The following ZNF695 variants were observed in gnomAD, a reference collection of about 807,000 sequenced individuals.
The protein encoded by ZNF695 is zinc finger protein 695.
A neutral mutation model predicts 11.2 loss-of-function variants in ZNF695; 11 were observed. The observed-to-expected ratio is 0.98, with a 90% CI of 0.62 to 1.62. The LOEUF is 1.62. Ranked by LOEUF, ZNF695 falls within the 40% of genes most tolerant of loss-of-function variation. The pLI, the probability that ZNF695 is intolerant of heterozygous loss-of-function variation, is 0.00. For missense variants in ZNF695, 559 were observed against 590.5 expected (o/e 0.95, Z 0.55); for synonymous variants, 190 against 201.4 (o/e 0.94, Z 0.48).
chr1:246,961,947 T>C lies in ZNF695; in HGVS notation c.488+5748A>G, dbSNP rs905239105. Among the ~76,000 whole-genome samples, 17 of 152,352 alleles carry C rather than the reference T, an allele frequency of 1.1e-4. No homozygotes were observed. The South Asian group carries it at 1.2e-3, about 11-fold the overall frequency. Reference sequence around the variant, plus strand: ...ATAGAGAGGCACCTCAATGGCACTGTGCTTTGCAGACATATGAGTTGTCAT... The same window carrying C: ...ATAGAGAGGCACCTCAATGGCACTGCGCTTTGCAGACATATGAGTTGTCAT... On this transcript the variant is annotated intron_variant, in intron 5 of 5. Transcript: ENST00000487338.
chr1:246,956,939 T>TAA (rs1668016848), intron 5 of ZNF695, among the ~76,000 whole-genome samples: 5 of 152,164 alleles, frequency 3.3e-5, no homozygotes, highest in Non-Finnish European at 7.3e-5. Context: ...TTACAGGTGG[T>TAA]ATCATGATAT....
At chr1:246,961,854 G>A (rs1668171293) in intron 5 of ZNF695, among the ~76,000 whole-genome samples, 1 of 152,146 alleles carries the variant, frequency 6.6e-6, no homozygotes, top group South Asian at 2.1e-4. Context: ...AGGCTGCTTA[G>A]CAAAGGGCCC....
intron 5 of ZNF695, among the ~76,000 whole-genome samples, chr1:246,951,096 A>G (rs1168049705): frequency 1.3e-5 from 2 of 151,980 alleles, no homozygotes; most frequent in Non-Finnish European, 2.9e-5. Context: ...GTGTTGTCAT[A>G]TAGTTGGTCT....
chr1:246,964,490 T>G (rs1668238822), intron 5 of ZNF695, among the ~76,000 whole-genome samples: 1 of 152,184 alleles, frequency 6.6e-6, no homozygotes, highest in South Asian at 2.1e-4. Flanking sequence ...CTCAGGAAAT[T>G]AAAGGGTTTT....
downstream of ZNF695, among the ~76,000 whole-genome samples, chr1:246,982,033 G>A (rs956281580): frequency 5.9e-5 from 9 of 152,162 alleles, no homozygotes; most frequent in African/African-American, 2.2e-4. Flanking sequence ...CACTTTGAGA[G>A]GACGAGGTGG....
In ZNF695 at chr1:246,999,435, C is replaced by A. The variant is rs536708166; in HGVS notation, c.172G>T (p.Ala58Ser). 1 of 1,613,512 alleles carries A rather than the reference C, an allele frequency of 6.2e-7. No homozygotes were observed. The highest frequency in any genetic ancestry group is 1.7e-5 in the Admixed American group (1 of 59,984). ...ATGATCAGTTCTGGCTTAGACATAG[C>A]AAGACCTGTTTTATTAGAAAAAAGG... is the stretch of plus-strand genomic sequence containing the variant. The part of the protein sequence containing the change: ...FNMQFLFHSL[A>S]MSKPELIICL... Residue 58 changes from alanine (A) to serine (S), a missense_variant, in exon 3 of 4, where the codon GCT becomes TCT. Physicochemically the swap from Ala to Ser is moderately conservative, Grantham distance 99 (BLOSUM62 1). Transcript: ENST00000339986.
In ZNF695 at chr1:246,987,316, C is replaced by T. The variant is rs775346703; in HGVS notation, c.1199G>A (p.Arg400Lys). The change falls in exon 4 of 4, where the codon AGA becomes AAA. Residue 400 changes from arginine to lysine, a missense_variant. Arg to Lys is a conservative substitution (Grantham distance 26). Transcript: ENST00000339986. ...GTAGGGTTTCTGCCCAGTATGAATTCTCTTATGCTGAATAAGGTATGAGAA... is the reference window on the plus strand; with the variant it reads ...GTAGGGTTTCTGCCCAGTATGAATTTTCTTATGCTGAATAAGGTATGAGAA... ...TWFSYLIQHK[R>K]IHTGQKPYKC... The T allele has an allele frequency of 3.1e-6, 5 of 1,612,966 alleles. No homozygotes were observed. Among genetic ancestry groups the T allele is most frequent in the Admixed American group, 1.7e-5 (1 of 59,900 alleles).
intron 5 of ZNF695, among the ~76,000 whole-genome samples, chr1:246,958,212 C>G (rs1296798602): frequency 6.6e-6 from 1 of 151,998 alleles, no homozygotes; most frequent in Non-Finnish European, 1.5e-5. Flanking sequence ...GTGCACACCA[C>G]CACGCCCGGC....
chr1:246,952,409 T>C (rs1388078907), intron 5 of ZNF695, among the ~76,000 whole-genome samples: 1 of 152,254 alleles, frequency 6.6e-6, no homozygotes, highest in Non-Finnish European at 1.5e-5. Context: ...TTTTCCTCTT[T>C]AATCAGAAAA....
intron 4 of ZNF695, among the ~76,000 whole-genome samples, chr1:246,978,388 A>T (rs1668621075): frequency 6.6e-6 from 1 of 152,236 alleles, no homozygotes; most frequent in Non-Finnish European, 1.5e-5. Flanking sequence ...CCCATAATCA[A>T]ACATAACCTG....
At chr1:246,974,655 G>A (rs1054767142) in intron 4 of ZNF695, among the ~76,000 whole-genome samples, 8 of 152,188 alleles carry the variant, frequency 5.3e-5, no homozygotes, top group African/African-American at 1.9e-4. Flanking sequence ...GAGAGGGAGA[G>A]AAGGAGAAGC....
At chr1:246,967,087 C>T (rs769678818) in intron 5 of ZNF695, among the ~76,000 whole-genome samples, 26 of 151,990 alleles carry the variant, frequency 1.7e-4, no homozygotes, top group African/African-American at 6.0e-4. Flanking sequence ...TACAGGCATG[C>T]GCCACCATGC....
Position 246,987,890 on chromosome 1 carries a change from C to G in ZNF695, c.625G>C (p.Glu209Gln), listed in dbSNP as rs1426887299. ...MTQQQRIHIG[E>Q]NPYQCKKCGK... Reference sequence around the variant, plus strand: ...CATTTTTTACATTGGTACGGGTTCTCTCCAATATGGATTCTCTGCTGTTGA... The same window carrying G: ...CATTTTTTACATTGGTACGGGTTCTGTCCAATATGGATTCTCTGCTGTTGA... Residue 209 changes from glutamate (E) to glutamine (Q), a missense_variant, in exon 4 of 4, where the codon GAG becomes CAG. By Grantham distance (29) the Glu-to-Gln change is conservative. Transcript: ENST00000339986. 1 of 1,609,272 alleles carries G rather than the reference C, an allele frequency of 6.2e-7. No individual in the cohort carries two copies. The highest frequency in any genetic ancestry group is 1.3e-5 in the African/African-American group (1 of 74,648).
chr1:246,948,899 G>A (rs11804963), intron 5 of ZNF695, among the ~76,000 whole-genome samples: 5,573 of 152,070 alleles, frequency 0.037, 144 homozygotes, highest in African/African-American at 0.075. Flanking sequence ...TAATAATAGC[G>A]CCCACCTCAC....
At chr1:246,971,816 CCCTTGGTCTCTTG>C (rs1668434200) in intron 4 of ZNF695, among the ~76,000 whole-genome samples, 1 of 152,126 alleles carries the variant, frequency 6.6e-6, no homozygotes, top group African/African-American at 2.4e-5. Flanking sequence ...ACAGCTTGTG[CCCTTGGTCTCTTG>C]CCTTGGCACC....
At chr1:246,955,051 GA>G (rs754685661) in intron 5 of ZNF695, among the ~76,000 whole-genome samples, 2 of 152,090 alleles carry the variant, frequency 1.3e-5, no homozygotes, top group Non-Finnish European at 2.9e-5. Flanking sequence ...ATCATAGGGG[GA>G]GTTTTTCCCA....
At chr1:246,996,395 C>T (rs1012935307) in intron 3 of ZNF695, among the ~76,000 whole-genome samples, 7 of 151,902 alleles carry the variant, frequency 4.6e-5, no homozygotes, top group African/African-American at 9.7e-5. Context: ...CCCAAGAAAT[C>T]GAGATGTCTC....
At chr1:246,970,806 G>A (rs938660890) in intron 4 of ZNF695, among the ~76,000 whole-genome samples, 4 of 152,152 alleles carry the variant, frequency 2.6e-5, no homozygotes, top group African/African-American at 2.4e-5. Context: ...TCGCTCTGTC[G>A]CCCAGGCTGG....
intron 1 of ZNF695, among the ~76,000 whole-genome samples, chr1:247,005,692 CAAAA>C (rs960549534): frequency 6.6e-6 from 1 of 151,292 alleles, no homozygotes; most frequent in African/African-American, 2.4e-5. Context: ...AACAAACAAA[CAAAA>C]AAAACGATAA....
Sources: allele counts gnomAD v4.1 joint callset (sites outside exome capture counted in the v4.1 genomes callset), GRCh38; gene constraint gnomAD v4.1.1; transcripts MANE v1.5; gene names NCBI Gene and HGNC (gene_info 2026-07-23, HGNC 2026-07-21).